The following CFAP299 variants were observed in gnomAD, a reference collection of about 807,000 sequenced individuals.
CFAP299 encodes cilia and flagella associated protein 299, also known as cilia- and flagella-associated protein 299.
A neutral mutation model predicts 27.0 loss-of-function variants in CFAP299; 21 were observed. That is an observed-to-expected ratio of 0.78 (90% CI 0.55 to 1.12). The LOEUF is 1.12. Among genes scored for constraint, CFAP299 ranks in the 50% most tolerant of loss-of-function variants. CFAP299 has a pLI of 0.00. For missense variants in CFAP299, 310 were observed against 276.6 expected, an observed-to-expected ratio of 1.12 and a Z score of -0.86; for synonymous variants, 104 against 98.1, an observed-to-expected ratio of 1.06 and a Z score of -0.36.
upstream of CFAP299, among the ~76,000 whole-genome samples, chr4:80,334,699 A>C (rs1722055186): frequency 6.6e-6 from 1 of 152,238 alleles, no homozygotes; most frequent in Non-Finnish European, 1.5e-5. Flanking sequence ...TTCATTAAAC[A>C]AACAAAAAAA....
At chr4:80,446,576 A>AT (rs1042889572) in intron 2 of CFAP299, among the ~76,000 whole-genome samples, 34 of 152,028 alleles carry the variant, frequency 2.2e-4, no homozygotes, top group South Asian at 1.2e-3. Context: ...CCTTTGAGCC[A>AT]TTTTTTTTCC....
intron 3 of CFAP299, among the ~76,000 whole-genome samples, chr4:80,757,897 G>A (rs1025894339): frequency 6.6e-6 from 1 of 152,140 alleles, no homozygotes; most frequent in Non-Finnish European, 1.5e-5. Context: ...AACCTGCTGT[G>A]TTCTACCCCT....
intron 3 of CFAP299, among the ~76,000 whole-genome samples, chr4:80,800,896 A>C (rs1055634932): frequency 1.3e-5 from 2 of 149,954 alleles, no homozygotes; most frequent in Non-Finnish European, 2.9e-5. Flanking sequence ...CTGAGTCCCA[A>C]AACTGAAGAA....
At chr4:80,485,345 C>G (rs540852068) in intron 2 of CFAP299, among the ~76,000 whole-genome samples, 11 of 151,340 alleles carry the variant, frequency 7.3e-5, no homozygotes, top group African/African-American at 2.7e-4. Context: ...GAGGTATTCT[C>G]AGGACAACCA....
intron 3 of CFAP299, chr4:80,790,557 G>C (rs371039139): frequency 6.6e-6 from 1 of 152,026 alleles, no homozygotes; most frequent in East Asian, 2.0e-4. Flanking sequence ...AAGAAGAGCC[G>C]AGAGAGCTAG....
chr4:80,429,885 A>G (rs1356190300), intron 2 of CFAP299, among the ~76,000 whole-genome samples: 1 of 152,170 alleles, frequency 6.6e-6, no homozygotes, highest in Non-Finnish European at 1.5e-5. Context: ...CACAAGGCTT[A>G]GGTAAAATAA....
chr4:80,685,252 T>C (rs1235023982), intron 3 of CFAP299, among the ~76,000 whole-genome samples: 5 of 152,188 alleles, frequency 3.3e-5, no homozygotes, highest in Non-Finnish European at 2.9e-5. Flanking sequence ...ATATATTTTT[T>C]GGCTGTTATT....
intron 4 of CFAP299, among the ~76,000 whole-genome samples, chr4:80,916,716 A>G (rs940389523): frequency 4.6e-5 from 7 of 152,234 alleles, no homozygotes; most frequent in Admixed American, 2.0e-4. Context: ...AAAACAGAAC[A>G]ATTATTGCAG....
chr4:80,949,238 C>T (rs1737638087), intron 5 of CFAP299, among the ~76,000 whole-genome samples: 1 of 152,114 alleles, frequency 6.6e-6, no homozygotes. Flanking sequence ...ATGAGCAAGA[C>T]TTCAATCTTT....
chr4:80,653,451 A>G (rs1307672694), intron 3 of CFAP299, among the ~76,000 whole-genome samples: 5 of 151,966 alleles, frequency 3.3e-5, no homozygotes, highest in African/African-American at 1.2e-4. Context: ...AATGTCATCT[A>G]CTCAAATATG....
chr4:80,620,840 G>C (rs979993364), intron 3 of CFAP299, among the ~76,000 whole-genome samples: 32 of 152,068 alleles, frequency 2.1e-4, no homozygotes, highest in African/African-American at 7.5e-4. Flanking sequence ...ACCTCTATAA[G>C]ACTGTTGTAT....
At chr4:80,388,659 C>G in intron 2 of CFAP299, 1 of 1,186,878 alleles carries the variant, frequency 8.4e-7, no homozygotes, top group Non-Finnish European at 1.3e-6. Context: ...AATGATGGGA[C>G]AGCTAGAATG....
chr4:80,583,838 T>G (rs556206194), intron 3 of CFAP299, among the ~76,000 whole-genome samples: 1 of 152,086 alleles, frequency 6.6e-6, no homozygotes, highest in African/African-American at 2.4e-5. Context: ...ATATTCATGC[T>G]AAAACTGTAG....
chr4:80,327,720 AT>A, the CFAP299 span, among the ~76,000 whole-genome samples: 1 of 135,508 alleles, frequency 7.4e-6, no homozygotes, highest in South Asian at 2.4e-4. Context: ...ATATATATAT[AT>A]AACTTCAATA....
At chr4:80,687,753 T>A (rs923712646) in intron 3 of CFAP299, among the ~76,000 whole-genome samples, 1 of 152,148 alleles carries the variant, frequency 6.6e-6, no homozygotes, top group Non-Finnish European at 1.5e-5. Flanking sequence ...AGACAGGTGA[T>A]TTCTGCATTT....
intron 3 of CFAP299, among the ~76,000 whole-genome samples, chr4:80,833,018 G>A (rs566060013): frequency 6.6e-6 from 1 of 152,088 alleles, no homozygotes; most frequent in South Asian, 2.1e-4. Flanking sequence ...GAGTCTAAAT[G>A]TGAAATATTA....
chr4:80,481,192 A>G (rs534012027), intron 2 of CFAP299, among the ~76,000 whole-genome samples: 8 of 152,142 alleles, frequency 5.3e-5, no homozygotes, highest in African/African-American at 1.4e-4. Context: ...AGTTCAGACA[A>G]GGGTACCAGT....
chr4:80,861,684 T>G (rs1732374608), intron 3 of CFAP299, among the ~76,000 whole-genome samples: 1 of 152,224 alleles, frequency 6.6e-6, no homozygotes, highest in South Asian at 2.1e-4. Context: ...AACGATGTAG[T>G]CTTTTCATTT....
At chr4:80,422,116 A>T (rs1040554739) in intron 2 of CFAP299, among the ~76,000 whole-genome samples, 1 of 152,156 alleles carries the variant, frequency 6.6e-6, no homozygotes, top group South Asian at 2.1e-4. Context: ...TAAGTACTAA[A>T]AGAGATTTAA....
Sources: allele counts gnomAD v4.1 joint callset (sites outside exome capture counted in the v4.1 genomes callset), GRCh38; gene constraint gnomAD v4.1.1; transcripts MANE v1.5; gene names NCBI Gene and HGNC (gene_info 2026-07-23, HGNC 2026-07-21).